The following LPIN2 variants were observed in gnomAD, a reference collection of about 807,000 sequenced individuals.
LPIN2 encodes the protein lipin 2.
A neutral mutation model predicts 111.4 loss-of-function variants in LPIN2; 55 were observed. That is an observed-to-expected ratio of 0.49 (90% CI 0.40 to 0.62). The LOEUF (loss-of-function observed/expected upper bound fraction) is 0.62. Among genes scored for constraint, LPIN2 ranks in the 20% least tolerant of loss-of-function variants. The pLI is 0.00. For synonymous variants in LPIN2, 425 were observed against 414.0 expected (o/e 1.03, Z -0.32); for missense variants, 992 against 1,112.1 (o/e 0.89, Z 1.54).
At chr18:2,958,161 CAA>C (rs1017981496) in intron 2 of LPIN2, among the ~76,000 whole-genome samples, 562 of 44,694 alleles carry the variant, frequency 0.013, 67 homozygotes, top group Non-Finnish European at 0.02. Context: ...AAAAAAACAA[CAA>C]AAAAAAAAAA....
intron 1 of LPIN2, among the ~76,000 whole-genome samples, chr18:2,980,481 C>T (rs2078092237): frequency 6.6e-6 from 1 of 152,172 alleles, no homozygotes; most frequent in Admixed American, 6.5e-5. Context: ...CCTGGGTGGA[C>T]TAAGGTTTCC....
chr18:2,920,704 A>G, intron 19 of LPIN2, 74 bp downstream of exon 19: 1 of 1,121,920 alleles, frequency 8.9e-7, no homozygotes. Context: ...CAGGGGGAAA[A>G]GGACAGGGTC....
intron 3 of LPIN2, among the ~76,000 whole-genome samples, chr18:2,953,324 T>C (rs1370735127): frequency 1.3e-5 from 2 of 152,118 alleles, no homozygotes; most frequent in South Asian, 2.1e-4. Flanking sequence ...TTATGAATTA[T>C]AAATAATTTT....
At chr18:2,997,589 G>A (rs1280053474) in intron 1 of LPIN2, among the ~76,000 whole-genome samples, 1 of 152,176 alleles carries the variant, frequency 6.6e-6, no homozygotes, top group Non-Finnish European at 1.5e-5. Flanking sequence ...CTGATCAAAA[G>A]GTGACTTCTG....
chr18:2,952,974 C>G (rs958167032), intron 3 of LPIN2, among the ~76,000 whole-genome samples: 4 of 152,148 alleles, frequency 2.6e-5, no homozygotes, highest in Admixed American at 2.0e-4. Flanking sequence ...TGGCAACAAA[C>G]TGGGTTTTTG....
chr18:2,946,059 C>T lies in LPIN2; in HGVS notation c.590+4996G>A, dbSNP rs113355619. On this transcript the variant is annotated intron_variant, in intron 4 of 19. Coordinates refer to ENST00000677752, the MANE Select transcript of LPIN2 (RefSeq NM_001375808.2). ...CTAGACCCCGATATGTCTTTGAACA[C>T]CCTCCATTCTTACATGAGGTCCCAA... The T allele has an allele frequency of 2.5e-4, 361 of 1,443,298 alleles. 1 individual carries two copies. In the African/African-American group the frequency reaches 4.6e-3, roughly 18 times the overall value. The allele number at this position is 1,443,298 out of a possible 1,614,324, so 89.4% of individuals were successfully genotyped here. A position where few individuals can be genotyped will look rare whatever the true frequency, so the allele number is the denominator to read the frequency against.
At chr18:2,923,147 G>A (rs1315922059) in intron 16 of LPIN2, among the ~76,000 whole-genome samples, 2 of 152,092 alleles carry the variant, frequency 1.3e-5, no homozygotes, top group Admixed American at 6.5e-5. Context: ...AAGGCTGGGC[G>A]CAATAGCTCA....
intron 1 of LPIN2, among the ~76,000 whole-genome samples, chr18:2,975,381 C>T (rs558926404): frequency 1.3e-5 from 2 of 152,198 alleles, no homozygotes; most frequent in African/African-American, 2.4e-5. Flanking sequence ...GCTGCCCAGG[C>T]TGGAGTGCAA....
intron 2 of LPIN2, among the ~76,000 whole-genome samples, chr18:2,955,338 C>T (rs905564022): frequency 1.2e-4 from 18 of 152,030 alleles, no homozygotes; most frequent in African/African-American, 2.4e-4. Context: ...CGGTGAAAGG[C>T]GAAGTGGGGG....
At chr18:2,971,853 C>A (rs1209938674) in intron 1 of LPIN2, among the ~76,000 whole-genome samples, 1 of 151,046 alleles carries the variant, frequency 6.6e-6, no homozygotes, top group African/African-American at 2.4e-5. Flanking sequence ...GGGTTTGAGA[C>A]CAGCCTGGCC....
At position 3,006,280 on chromosome 18, in the gene LPIN2, T is replaced by C. The variant is rs553383643; in HGVS notation, c.-10+6807A>G. ...CTTTACAACAGACTAAGAATGTCAG[T>C]GGATAGACTAGATATTAAAGACCCC... On this transcript the variant is annotated intron_variant, in intron 1 of 19. Coordinates refer to ENST00000677752, the MANE Select transcript of LPIN2 (RefSeq NM_001375808.2). Among the ~76,000 whole-genome samples the C allele has an allele frequency of 1.9e-3, 292 of 152,308 alleles. 1 individual carries two copies. The highest frequency in any genetic ancestry group is 3.5e-3 in the Admixed American group (53 of 15,294).
intron 1 of LPIN2, chr18:2,982,999 T>C: frequency 3.1e-6 from 1 of 323,088 alleles, no homozygotes; most frequent in East Asian, 8.0e-5. Flanking sequence ...AGCAGGGGCA[T>C]GGGACAGGTT....
rs1027931453 is a variant in LPIN2, at chr18:2,919,738, G to A, written c.*555C>T. 5 of 179,520 alleles carry A rather than the reference G, an allele frequency of 2.8e-5. No homozygotes were observed. Among genetic ancestry groups the A allele is most frequent in the South Asian group, 1.2e-4 (1 of 8,306 alleles). 11.1% of individuals were successfully genotyped at this position (179,520 alleles called of 1,614,324 possible). A position where few individuals can be genotyped will look rare whatever the true frequency, so the allele number is the denominator to read the frequency against. On this transcript the variant is annotated 3_prime_UTR_variant, in exon 20 of 20. Transcript: ENST00000677752. ...CTGGTGCATGGGCCCTGCAGGGGCG[G>A]GGGTCCTGCCCAACTTGGCCCACTG... is the stretch of plus-strand genomic sequence containing the variant.
chr18:2,929,304 T>G (rs2077181275), intron 9 of LPIN2, 146 bp from the exon 10 acceptor site: 2 of 631,710 alleles, frequency 3.2e-6, no homozygotes, highest in South Asian at 3.8e-5. Context: ...AAGCAAAATG[T>G]CAGACGCTTT....
intron 4 of LPIN2, among the ~76,000 whole-genome samples, chr18:2,944,590 T>A (rs2077420615): frequency 6.6e-6 from 1 of 152,128 alleles, no homozygotes; most frequent in Non-Finnish European, 1.5e-5. Context: ...GACCTCGTGA[T>A]CTGCCCGCCT....
intron 1 of LPIN2, chr18:2,966,888 C>G (rs1002233069): frequency 1.1e-4 from 16 of 152,178 alleles, no homozygotes; most frequent in African/African-American, 3.9e-4. Flanking sequence ...AGCTAACTTT[C>G]TGCTCATGGA....
At chr18:2,956,575 G>T (rs2077620896) in intron 2 of LPIN2, among the ~76,000 whole-genome samples, 1 of 152,186 alleles carries the variant, frequency 6.6e-6, no homozygotes, top group South Asian at 2.1e-4. Context: ...AAACTGATGG[G>T]AGCATTTCAA....
intron 1 of LPIN2, among the ~76,000 whole-genome samples, chr18:2,989,366 A>T (rs2078230837): frequency 1.3e-5 from 2 of 152,228 alleles, no homozygotes. Flanking sequence ...TTGTACAAAT[A>T]AAATTGCAAA....
At chr18:2,949,098 C>T (rs891390332) in intron 4 of LPIN2, among the ~76,000 whole-genome samples, 1 of 152,092 alleles carries the variant, frequency 6.6e-6, no homozygotes, top group Non-Finnish European at 1.5e-5. Context: ...CTACCGTGCC[C>T]GGCCTTTTAA....
Sources: allele counts gnomAD v4.1 joint callset (sites outside exome capture counted in the v4.1 genomes callset), GRCh38; gene constraint gnomAD v4.1.1; transcripts MANE v1.5; gene names NCBI Gene and HGNC (gene_info 2026-07-23, HGNC 2026-07-21).